Variants in HECTD4 observed in about 807,000 individuals in gnomAD.
HECTD4 encodes HECT domain E3 ubiquitin protein ligase 4, also known as probable E3 ubiquitin-protein ligase HECTD4.
In HECTD4, 114 loss-of-function variants were observed where a neutral mutation model predicts 471.5. That is an observed-to-expected ratio of 0.24 (90% CI 0.21 to 0.28). HECTD4 has a LOEUF of 0.28. Ranked by LOEUF, HECTD4 falls within the 10% of genes least tolerant of loss-of-function variation. HECTD4 has a pLI of 1.00. For missense variants in HECTD4, 3,866 were observed against 5,651.5 expected (o/e 0.68, Z 10.13); for synonymous variants, 2,012 against 2,256.0 (o/e 0.89, Z 3.07).
chr12:112,240,281 C>T (rs2033608510), intron 32 of HECTD4, among the ~76,000 whole-genome samples: 1 of 152,176 alleles, frequency 6.6e-6, no homozygotes, highest in Non-Finnish European at 1.5e-5. Flanking sequence ...AAACAGACTA[C>T]TGTAGGACTT....
intron 8 of HECTD4, among the ~76,000 whole-genome samples, 196 bp from the exon 9 acceptor site, chr12:112,279,582 C>T (rs1366216436): frequency 6.6e-6 from 1 of 152,192 alleles, no homozygotes; most frequent in Non-Finnish European, 1.5e-5. Context: ...CACAGCCTGA[C>T]CCTGAGCCTC....
rs547593668 is a variant in HECTD4, at chr12:112,203,886, A to C, written c.8270-114T>G. Reference sequence around the variant, plus strand: ...AAACATAAAATAATAAAATAAAATAAAATAAAATAGCTCTACGGGCTTTAA... The same window carrying C: ...AAACATAAAATAATAAAATAAAATACAATAAAATAGCTCTACGGGCTTTAA... On this transcript the variant is annotated intron_variant, in intron 53 of 75. Transcript: ENST00000682272. 8.0e-5 allele frequency: 47 copies of C among 583,852 alleles called. No homozygotes were observed. In the East Asian group the frequency reaches 1.5e-3, roughly 18 times the overall value. The allele number at this position is 583,852 out of a possible 1,614,324, so 36.2% of individuals were successfully genotyped here. A position where few individuals can be genotyped will look rare whatever the true frequency, so the allele number is the denominator to read the frequency against.
intron 2 of HECTD4, among the ~76,000 whole-genome samples, chr12:112,318,525 C>A (rs2035529071): frequency 6.6e-6 from 1 of 151,992 alleles, no homozygotes; most frequent in Non-Finnish European, 1.5e-5. Flanking sequence ...AGGCACCCAC[C>A]ACAACGCCCG....
chr12:112,230,547 C>T (rs1420556386), intron 40 of HECTD4, 140 bp downstream of exon 40: 1 of 1,032,332 alleles, frequency 9.7e-7, no homozygotes, highest in Non-Finnish European at 1.4e-6. Flanking sequence ...AGTAAAGCAA[C>T]TTCCAGGGGA....
intron 1 of HECTD4, among the ~76,000 whole-genome samples, chr12:112,376,408 G>A (rs551690073): frequency 6.6e-6 from 1 of 152,012 alleles, no homozygotes; most frequent in Admixed American, 6.6e-5. Context: ...CACCACGCCC[G>A]GCTAATTTTT....
At chr12:112,200,155 A>AC (rs2032375600) in intron 55 of HECTD4, among the ~76,000 whole-genome samples, 1 of 135,736 alleles carries the variant, frequency 7.4e-6, no homozygotes, top group African/African-American at 2.7e-5. Context: ...TAGATCCCCC[A>AC]TTTTTTTTTT....
chr12:112,243,413 C>T lies in HECTD4; in HGVS notation c.4898G>A (p.Arg1633Gln), dbSNP rs1348684209. 12 of 1,612,370 alleles carry T rather than the reference C, an allele frequency of 7.4e-6. No homozygotes were observed. Among genetic ancestry groups the T allele is most frequent in the South Asian group, 4.4e-5 (4 of 90,690 alleles). Residue 1633 changes from arginine (R) to glutamine (Q), a missense_variant, in exon 32 of 76, where the codon CGA (arginine) becomes CAA (glutamine). Transcript: ENST00000682272. The surrounding 1 kb of genome is among the most constrained non-coding windows in gnomAD (Gnocchi z 6.6). ...HMRELLTAAV[R>Q]VGGVTHLVGP... Reference sequence around the variant, plus strand: ...CACAAGATGCGTCACTCCCCCGACTCGTACGGCAGCTGTCAGCAATTCCCG... The same window carrying T: ...CACAAGATGCGTCACTCCCCCGACTTGTACGGCAGCTGTCAGCAATTCCCG...
chr12:112,351,090 T>C (rs1400408558), intron 1 of HECTD4, among the ~76,000 whole-genome samples: 2 of 152,202 alleles, frequency 1.3e-5, no homozygotes, highest in African/African-American at 4.8e-5. Flanking sequence ...CATGTTTGGT[T>C]TGGGTAAGGG....
intron 1 of HECTD4, among the ~76,000 whole-genome samples, chr12:112,377,620 C>T (rs866181566): frequency 1.3e-5 from 2 of 152,164 alleles, no homozygotes; most frequent in Non-Finnish European, 2.9e-5. Context: ...CCTGTAATCT[C>T]GGCACTTTGG....
intron 1 of HECTD4, among the ~76,000 whole-genome samples, chr12:112,324,480 CCAT>C (rs1396153850): frequency 1.1e-4 from 16 of 152,038 alleles, no homozygotes; most frequent in Middle Eastern, 3.2e-3. Flanking sequence ...ATGTCCTTCA[CCAT>C]CAAGTAATAT....
intron 7 of HECTD4, chr12:112,302,390 T>C: frequency 1.3e-6 from 1 of 754,340 alleles, no homozygotes; most frequent in Non-Finnish European, 2.4e-6. Context: ...CTTAAGCAGT[T>C]GAGTAACTGT....
In HECTD4 at chr12:112,353,493, T is replaced by C. The variant is rs115454767; in HGVS notation, c.177+28459A>G. 5.6e-3 allele frequency among the ~76,000 whole-genome samples: 857 copies of C among 152,348 alleles called. 8 individuals are homozygous for C. Among genetic ancestry groups the C allele is most frequent in the African/African-American group, 0.019 (809 of 41,574 alleles). The stretch of plus-strand genomic sequence containing the variant: ...TTATATTTTGTAAAATGTGGCTCTT[T>C]CCTGAGTTTCAACAATGACTGGTTG... On this transcript the variant is annotated intron_variant, in intron 1 of 75. Transcript: ENST00000682272.
At chr12:112,341,650 C>T (rs1026333115) in intron 1 of HECTD4, among the ~76,000 whole-genome samples, 4 of 152,174 alleles carry the variant, frequency 2.6e-5, no homozygotes, top group Admixed American at 6.5e-5. Context: ...ATCCATCTGT[C>T]TCCCTCAGTC....
intron 16 of HECTD4, 41 bp from the exon 17 acceptor site, chr12:112,264,253 C>T (rs2135606380): frequency 1.4e-6 from 2 of 1,453,804 alleles, no homozygotes; most frequent in Non-Finnish European, 1.8e-6. Context: ...CTAAATCCTA[C>T]TGAAAGAGCG....
chr12:112,252,810 AT>A lies in HECTD4; in HGVS notation c.3448-283del, dbSNP rs199504908. 0.067 allele frequency among the ~76,000 whole-genome samples: 9,390 copies of A among 140,728 alleles called. 1,400 individuals carry two copies. The East Asian group carries it at 0.67, about 10-fold the overall frequency. 92.3% of individuals were successfully genotyped at this position (140,728 alleles called of 152,430 possible). ...AAAGGTTAATCAAATCTTGAAAATAATTTTTTTTTTTTTTTTTGAGACAAGG... is the reference window on the plus strand; with the variant it reads ...AAAGGTTAATCAAATCTTGAAAATAATTTTTTTTTTTTTTTTGAGACAAGG... On this transcript the variant is annotated intron_variant, in intron 22 of 75. Coordinates refer to ENST00000682272, the MANE Select transcript of HECTD4 (RefSeq NM_001388303.1).
chr12:112,195,805 T>C (rs1056237299), intron 55 of HECTD4, among the ~76,000 whole-genome samples: 1 of 152,218 alleles, frequency 6.6e-6, no homozygotes, highest in Non-Finnish European at 1.5e-5. Flanking sequence ...TGGGCATTTT[T>C]TTATGTGATG....
At chr12:112,199,616 G>A (rs2032352135) in intron 55 of HECTD4, among the ~76,000 whole-genome samples, 1 of 152,204 alleles carries the variant, frequency 6.6e-6, no homozygotes, top group East Asian at 1.9e-4. Flanking sequence ...AGATGGAAAG[G>A]AATAATTCTC....
rs921726005 is a variant in HECTD4 at position 112,248,565 on chromosome 12, A to G, written c.3951-53T>C. 1.1e-5 allele frequency: 13 copies of G among 1,170,886 alleles called. No individual in the cohort carries two copies. In the African/African-American group the frequency reaches 2.0e-4, roughly 18 times the overall value. The allele number at this position is 1,170,886 out of a possible 1,614,324, so 72.5% of individuals were successfully genotyped here. The stretch of plus-strand genomic sequence containing the variant: ...TATATGCCATGCTCTCAGCTTCTCA[A>G]TACTGTATTTTATTTTTATTTTTTA... On this transcript the variant is annotated intron_variant, in intron 25 of 75. Coordinates refer to ENST00000682272, the MANE Select transcript of HECTD4 (RefSeq NM_001388303.1).
intron 7 of HECTD4, among the ~76,000 whole-genome samples, chr12:112,300,886 C>CTTTTTTT (rs201073237): frequency 6.6e-6 from 1 of 151,452 alleles, no homozygotes; most frequent in Admixed American, 6.6e-5. Flanking sequence ...ACTTCTTTTT[C>CTTTTTTT]TTTTTCTTTT....
Sources: gnomAD v4.1 joint callset for allele counts (sites outside exome capture counted in the v4.1 genomes callset) on GRCh38, gnomAD v4.1.1 for gene constraint, Gnocchi (gnomAD v3.1) non-coding constraint, MANE v1.5 for transcripts, NCBI Gene and HGNC (gene_info 2026-07-23, HGNC 2026-07-21) for gene names.